The following HSF5 variants were observed in gnomAD, a reference collection of about 807,000 sequenced individuals.
The protein encoded by HSF5 is heat shock factor protein 5.
Under a neutral mutation model 50.8 loss-of-function variants are expected in HSF5, and 5 were observed. The observed-to-expected ratio is 0.10, with a 90% CI of 0.05 to 0.21. The LOEUF (loss-of-function observed/expected upper bound fraction) is 0.21, where lower values mean the gene tolerates loss of function less well. Ranked by LOEUF, HSF5 falls within the 10% of genes least tolerant of loss-of-function variation. HSF5 has a pLI of 1.00. For missense variants in HSF5, 564 were observed against 762.6 expected, an observed-to-expected ratio of 0.74 and a Z score of 3.07; for synonymous variants, 307 against 307.4, an observed-to-expected ratio of 1.00 and a Z score of 0.02.
chr17:58,428,568 A>G (rs544992763), intron 5 of HSF5, among the ~76,000 whole-genome samples: 1 of 152,244 alleles, frequency 6.6e-6, no homozygotes, highest in South Asian at 2.1e-4. Flanking sequence ...CTGAGGCAGG[A>G]GAATGGCATG....
chr17:58,461,493 GA>G (rs1435483706), intron 4 of HSF5, among the ~76,000 whole-genome samples: 1 of 150,348 alleles, frequency 6.7e-6, no homozygotes, highest in African/African-American at 2.4e-5. Context: ...ATCCAAAATG[GA>G]AAAAAAATAT....
chr17:58,474,517 T>C (rs1048093740), intron 2 of HSF5, among the ~76,000 whole-genome samples: 14 of 152,304 alleles, frequency 9.2e-5, no homozygotes, highest in African/African-American at 3.4e-4. Context: ...TAATGCCTCC[T>C]TCCTAATTCT....
chr17:58,431,074 C>T (rs1476479879), intron 5 of HSF5, among the ~76,000 whole-genome samples: 1 of 152,104 alleles, frequency 6.6e-6, no homozygotes, highest in African/African-American at 2.4e-5. Flanking sequence ...TCTCATGAGA[C>T]CTGATGGATT....
chr17:58,474,034 G>A (rs1974980779), intron 2 of HSF5, among the ~76,000 whole-genome samples: 1 of 152,068 alleles, frequency 6.6e-6, no homozygotes, highest in Non-Finnish European at 1.5e-5. Flanking sequence ...AGTAGAGACT[G>A]TGTTTCACCA....
At chr17:58,461,052 A>G (rs956197223) in intron 4 of HSF5, among the ~76,000 whole-genome samples, 1 of 151,728 alleles carries the variant, frequency 6.6e-6, no homozygotes, top group Non-Finnish European at 1.5e-5. Context: ...TGTCTCTACT[A>G]AAAATACAAA....
chr17:58,423,353 G>A (rs968005651), intron 5 of HSF5, among the ~76,000 whole-genome samples: 17 of 152,188 alleles, frequency 1.1e-4, no homozygotes, highest in Admixed American at 7.8e-4. Flanking sequence ...ATACAAAAAA[G>A]CTAAGACCAT....
intron 5 of HSF5, among the ~76,000 whole-genome samples, chr17:58,429,933 CA>C (rs1325491783): frequency 6.7e-6 from 1 of 150,222 alleles, no homozygotes; most frequent in Non-Finnish European, 1.5e-5. Context: ...AATGACCAGA[CA>C]AAAAGAAGGG....
At chr17:58,445,180 A>G (rs1450320005) in intron 5 of HSF5, among the ~76,000 whole-genome samples, 2 of 152,248 alleles carry the variant, frequency 1.3e-5, no homozygotes, top group Admixed American at 6.5e-5. Flanking sequence ...ATAGTATAGC[A>G]GCTATGAAAA....
At position 58,475,553 on chromosome 17, in the gene HSF5, T is replaced by C. The variant is rs112568335; in HGVS notation, c.925+4340A>G. 3.1e-3 allele frequency among the ~76,000 whole-genome samples: 476 copies of C among 152,218 alleles called. 2 individuals are homozygous for C. Among genetic ancestry groups the C allele is most frequent in the Admixed American group, 4.1e-3 (63 of 15,282 alleles). On this transcript the variant is annotated intron_variant, in intron 2 of 5. Coordinates refer to ENST00000323777, the MANE Select transcript of HSF5 (RefSeq NM_001080439.3). ...AATTGCAAAGGATATCTGTCAAATA[T>C]CACAATTAAACATGCAAAAAGAGAA... is the stretch of plus-strand genomic sequence containing the variant.
chr17:58,479,960 G>A lies in HSF5; in HGVS notation c.858C>T (p.Val286=). The change falls in exon 2 of 6, where the codon GTC becomes GTT. Residue 286 remains valine (V), a synonymous_variant. Transcript: ENST00000323777. ...AGTTACTGTATTTTTGGGAGGAGCTGACCATTGTTTGAGGACCTTGTTGAA... is the reference window on the plus strand; with the variant it reads ...AGTTACTGTATTTTTGGGAGGAGCTAACCATTGTTTGAGGACCTTGTTGAA... ...VHVQQGPQTM[V]SSSQKYSNYT... is the part of the protein sequence containing the mutation. 6.2e-7 allele frequency: 1 copy of A among 1,614,066 alleles called. No homozygotes were observed. Among genetic ancestry groups the A allele is most frequent in the Non-Finnish European group, 8.5e-7 (1 of 1,179,948 alleles).
intron 5 of HSF5, among the ~76,000 whole-genome samples, chr17:58,450,524 C>A (rs1016274707): frequency 9.4e-5 from 14 of 149,680 alleles, no homozygotes; most frequent in Admixed American, 2.7e-4. Flanking sequence ...GAGGCTGAGG[C>A]AGGTGGATCA....
At chr17:58,431,404 T>G (rs1261638412) in intron 5 of HSF5, among the ~76,000 whole-genome samples, 1 of 152,188 alleles carries the variant, frequency 6.6e-6, no homozygotes, top group Non-Finnish European at 1.5e-5. Context: ...ATAGAAAAGG[T>G]ACCATAAAAC....
rs1974817114 is a variant in HSF5 at position 58,463,168 on chromosome 17, G to A, written c.1156C>T (p.Pro386Ser). ...FQIVDELHSSPKLEMVKVEPV... is the reference protein window; with the variant it reads ...FQIVDELHSSSKLEMVKVEPV... The stretch of plus-strand genomic sequence containing the variant: ...TCCACCTTTACCATCTCCAATTTAG[G>A]GGAGGAATGCAACTCATCAACTATC... Residue 386 changes from proline to serine, a missense_variant, in exon 4 of 6, where the codon CCT becomes TCT. Physicochemically the swap from Pro to Ser is moderately conservative, Grantham distance 74 (BLOSUM62 -1). Coordinates refer to ENST00000323777, the MANE Select transcript of HSF5 (RefSeq NM_001080439.3). The A allele has an allele frequency of 6.2e-7, 1 of 1,614,170 alleles. No homozygotes were observed. The highest frequency in any genetic ancestry group is 1.3e-5 in the African/African-American group (1 of 75,032).
chr17:58,441,936 A>G (rs1269315514), intron 5 of HSF5, among the ~76,000 whole-genome samples: 1 of 152,178 alleles, frequency 6.6e-6, no homozygotes, highest in African/African-American at 2.4e-5. Context: ...TAATTTGGGT[A>G]TGTGTGAGTG....
chr17:58,470,770 A>T (rs1974933079), intron 2 of HSF5, among the ~76,000 whole-genome samples: 2 of 152,146 alleles, frequency 1.3e-5, no homozygotes, highest in African/African-American at 4.8e-5. Context: ...TACTAAAAAT[A>T]CATAAATTAG....
chr17:58,471,220 TA>T, intron 2 of HSF5, among the ~76,000 whole-genome samples: 1 of 152,232 alleles, frequency 6.6e-6, no homozygotes, highest in Admixed American at 6.5e-5. Context: ...ATGTTATGCA[TA>T]TTTTTTTCAC....
chr17:58,458,754 A>G lies in HSF5; in HGVS notation c.1720+14T>C, dbSNP rs1180155244. 7.6e-6 allele frequency: 12 copies of G among 1,588,078 alleles called. No homozygotes were observed. The highest frequency in any genetic ancestry group is 1.0e-5 in the Non-Finnish European group (12 of 1,169,666). On this transcript the variant is annotated intron_variant, in intron 5 of 5. Coordinates refer to ENST00000323777, the MANE Select transcript of HSF5 (RefSeq NM_001080439.3). ...GATTCTACTTCTGGCATTCTAGAGC[A>G]CAATAATCCTTACCAGGGGACTTTC...
chr17:58,468,427 A>G (rs1169451524), intron 2 of HSF5, among the ~76,000 whole-genome samples: 2 of 152,136 alleles, frequency 1.3e-5, no homozygotes, highest in Non-Finnish European at 2.9e-5. Context: ...TATATATCTC[A>G]CAATAATTCC....
chr17:58,467,195 A>G (rs1469182308), intron 2 of HSF5, among the ~76,000 whole-genome samples: 2 of 152,202 alleles, frequency 1.3e-5, no homozygotes, highest in Non-Finnish European at 2.9e-5. Flanking sequence ...GGTCATGTCT[A>G]ATGTCTATTT....
Sources: gnomAD v4.1 joint callset for allele counts (sites outside exome capture counted in the v4.1 genomes callset) on GRCh38, gnomAD v4.1.1 for gene constraint, MANE v1.5 for transcripts, NCBI Gene and HGNC (gene_info 2026-07-23, HGNC 2026-07-21) for gene names.